Variants in AKAP19 observed in about 807,000 individuals in gnomAD.
AKAP19 encodes small A-kinase anchoring protein.
chr2:190,084,897 C>T, the AKAP19 span, among the ~76,000 whole-genome samples: 1 of 152,194 alleles, frequency 6.6e-6, no homozygotes, highest in Non-Finnish European at 1.5e-5. Context: ...CTGGTGGCCT[C>T]CTGTTGGGGT....
the AKAP19 span, among the ~76,000 whole-genome samples, chr2:189,899,449 C>A: frequency 6.6e-6 from 1 of 152,138 alleles, no homozygotes; most frequent in Non-Finnish European, 1.5e-5. Context: ...CTAAGCTACT[C>A]TGTTATTATT....
chr2:190,034,753 C>T, the AKAP19 span, among the ~76,000 whole-genome samples: 3 of 145,034 alleles, frequency 2.1e-5, no homozygotes, highest in Non-Finnish European at 4.5e-5. Context: ...ACTCGGGAGG[C>T]TGAGGTGAGA....
chr2:189,899,647 G>A, the AKAP19 span, among the ~76,000 whole-genome samples: 3 of 152,258 alleles, frequency 2.0e-5, no homozygotes, highest in Middle Eastern at 0.01. Context: ...ATAAATGTGT[G>A]TTTTTTCCTT....
At chr2:190,090,442 T>C in the AKAP19 span, among the ~76,000 whole-genome samples, 3 of 152,110 alleles carry the variant, frequency 2.0e-5, no homozygotes, top group Non-Finnish European at 1.5e-5. Flanking sequence ...CTCCTGTCAA[T>C]AGCCAGCACC....
the AKAP19 span, among the ~76,000 whole-genome samples, chr2:190,141,701 C>A: frequency 1.3e-5 from 2 of 152,196 alleles, no homozygotes; most frequent in African/African-American, 2.4e-5. Flanking sequence ...AATGCAAGAT[C>A]ACACTTGGGT....
the AKAP19 span, among the ~76,000 whole-genome samples, chr2:190,131,987 A>G: frequency 6.6e-6 from 1 of 152,234 alleles, no homozygotes; most frequent in East Asian, 1.9e-4. Flanking sequence ...CAGGATACAG[A>G]ATCAACATAT....
chr2:189,884,096 T>C, the AKAP19 span, among the ~76,000 whole-genome samples: 1 of 152,170 alleles, frequency 6.6e-6, no homozygotes, highest in Admixed American at 6.5e-5. Context: ...AACTTTCTTA[T>C]AGGTATTTTA....
chr2:189,914,145 A>ACTGAAC, the AKAP19 span, among the ~76,000 whole-genome samples: 23 of 152,208 alleles, frequency 1.5e-4, no homozygotes, highest in Middle Eastern at 3.4e-3. Flanking sequence ...GTCTCACAAT[A>ACTGAAC]TAGTGATTAA....
At chr2:189,954,370 T>G in the AKAP19 span, among the ~76,000 whole-genome samples, 1 of 152,168 alleles carries the variant, frequency 6.6e-6, no homozygotes, top group Non-Finnish European at 1.5e-5. Flanking sequence ...TCAGAACATA[T>G]GATAAGATCA....
chr2:190,072,470 A>T, the AKAP19 span, among the ~76,000 whole-genome samples: 39 of 152,250 alleles, frequency 2.6e-4, no homozygotes, highest in Non-Finnish European at 5.0e-4. Flanking sequence ...TGGATCAAAC[A>T]GTTGAAAATT....
At chr2:190,166,805 A>G in the AKAP19 span, among the ~76,000 whole-genome samples, 2 of 152,216 alleles carry the variant, frequency 1.3e-5, no homozygotes, top group Admixed American at 6.5e-5. Context: ...ACATTGTAGT[A>G]AAACATGGAA....
chr2:189,956,200 C>T, the AKAP19 span, among the ~76,000 whole-genome samples: 35 of 95,930 alleles, frequency 3.6e-4, 1 homozygote, highest in African/African-American at 1.4e-3. Flanking sequence ...GACGGAGTCT[C>T]GCTCTGTCGC....
the AKAP19 span, among the ~76,000 whole-genome samples, chr2:190,176,908 A>T: frequency 6.6e-6 from 1 of 152,252 alleles, no homozygotes; most frequent in South Asian, 2.1e-4. This position sits in a 1 kb window ranked among gnomAD's most constrained non-coding sequence, Gnocchi z 4.7. Flanking sequence ...AGGCCATTTT[A>T]GATTGAACAC....
the AKAP19 span, among the ~76,000 whole-genome samples, chr2:189,940,014 T>G: frequency 6.6e-6 from 1 of 152,210 alleles, no homozygotes; most frequent in East Asian, 1.9e-4. Flanking sequence ...GTGCGGTGGC[T>G]CACGCCTGTA....
chr2:189,885,687 G>C, the AKAP19 span, among the ~76,000 whole-genome samples: 1 of 152,164 alleles, frequency 6.6e-6, no homozygotes, highest in African/African-American at 2.4e-5. Context: ...TCCAGAAAAT[G>C]ATCAGTATAG....
chr2:190,118,060 A>G, the AKAP19 span, among the ~76,000 whole-genome samples: 2 of 152,254 alleles, frequency 1.3e-5, no homozygotes, highest in African/African-American at 4.8e-5. Context: ...ACAGAAATAC[A>G]AACTACCATC....
the AKAP19 span, among the ~76,000 whole-genome samples, chr2:189,895,087 T>C: frequency 9.9e-5 from 15 of 151,908 alleles, no homozygotes; most frequent in African/African-American, 3.1e-4. Flanking sequence ...GACATGCAAT[T>C]GGTTACAATT....
the AKAP19 span, among the ~76,000 whole-genome samples, chr2:189,997,205 C>T: frequency 1.3e-5 from 2 of 152,136 alleles, no homozygotes; most frequent in Non-Finnish European, 2.9e-5. Flanking sequence ...GCTGTAATGT[C>T]CTGAGTTGGT....
chr2:190,016,405 A>G, the AKAP19 span, among the ~76,000 whole-genome samples: 1 of 152,192 alleles, frequency 6.6e-6, no homozygotes, highest in Non-Finnish European at 1.5e-5. Context: ...CCATCTTGTG[A>G]GAACTCACTA....
Sources: gnomAD v4.1 joint callset for allele counts (sites outside exome capture counted in the v4.1 genomes callset) on GRCh38, gnomAD v4.1.1 for gene constraint, Gnocchi (gnomAD v3.1) non-coding constraint, MANE v1.5 for transcripts, NCBI Gene and HGNC (gene_info 2026-07-23, HGNC 2026-07-21) for gene names.